The following CNBD2 variants were observed in gnomAD, a reference collection of about 807,000 sequenced individuals.
CNBD2 encodes cyclic nucleotide binding domain containing 2.
A neutral mutation model predicts 63.7 loss-of-function variants in CNBD2; 64 were observed. That is an observed-to-expected ratio of 1.00 (90% confidence interval 0.82 to 1.24). The LOEUF (loss-of-function observed/expected upper bound fraction) is 1.24. Among genes scored for constraint, CNBD2 ranks in the 50% most tolerant of loss-of-function variants. The pLI is 0.00. For synonymous variants in CNBD2, 229 were observed against 255.4 expected, an observed-to-expected ratio of 0.90 and a Z score of 0.99; for missense variants, 691 against 713.5, an observed-to-expected ratio of 0.97 and a Z score of 0.36.
At chr20:36,001,957 C>T (rs1392920048) in intron 8 of CNBD2, among the ~76,000 whole-genome samples, 16 of 151,620 alleles carry the variant, frequency 1.1e-4, no homozygotes, top group African/African-American at 2.7e-4. Flanking sequence ...AGACGATGGG[C>T]GGCCAGGCAG....
intron 10 of CNBD2, among the ~76,000 whole-genome samples, chr20:36,022,825 G>T (rs1601105691): frequency 2.7e-5 from 4 of 150,768 alleles, no homozygotes; most frequent in Admixed American, 2.6e-4. Context: ...TCACCATGTT[G>T]CCCAGGCTGG....
At chr20:35,997,639 C>T (rs1026466000) in intron 8 of CNBD2, among the ~76,000 whole-genome samples, 3 of 152,138 alleles carry the variant, frequency 2.0e-5, no homozygotes, top group South Asian at 2.1e-4. Context: ...GTCCGTACCT[C>T]GTAGGATTGT....
intron 1 of CNBD2, among the ~76,000 whole-genome samples, chr20:35,971,169 G>A (rs1050815815): frequency 7.3e-5 from 11 of 151,008 alleles, no homozygotes; most frequent in Non-Finnish European, 1.5e-4. Flanking sequence ...GGATGGTCTC[G>A]ATCTCCTGAC....
At chr20:35,998,696 C>A (rs979748124) in intron 8 of CNBD2, among the ~76,000 whole-genome samples, 3 of 151,788 alleles carry the variant, frequency 2.0e-5, no homozygotes, top group Admixed American at 6.6e-5. Flanking sequence ...TATAGTGAAA[C>A]CCTGTCTCTA....
At position 36,004,449 on chromosome 20, in the gene CNBD2, C is replaced by G. The variant is rs540021786; in HGVS notation, c.971-3848C>G. On this transcript the variant is annotated intron_variant, in intron 8 of 11. Coordinates refer to ENST00000373973, the MANE Select transcript of CNBD2 (RefSeq NM_001365709.1). Reference sequence around the variant, plus strand: ...ATTGCTGGGCTCCATCTGAGTTCCCCCTCCCTGCACCATGGCCCAGAAAAT... The same window carrying G: ...ATTGCTGGGCTCCATCTGAGTTCCCGCTCCCTGCACCATGGCCCAGAAAAT... Among the ~76,000 whole-genome samples, 6 of 152,314 alleles carry G rather than the reference C, an allele frequency of 3.9e-5. No homozygotes were observed. The South Asian group carries it at 1.2e-3, about 32-fold the overall frequency.
At chr20:35,956,463 C>T (rs761614310), downstream of CNBD2, among the ~76,000 whole-genome samples, 14 of 152,304 alleles carry the variant, frequency 9.2e-5, no homozygotes, top group Non-Finnish European at 1.9e-4. Flanking sequence ...TACTCTGTCC[C>T]ATTTGGTCTC....
chr20:35,980,706 G>A, intron 4 of CNBD2, 84 bp downstream of exon 4: 2 of 1,296,432 alleles, frequency 1.5e-6, no homozygotes, highest in Non-Finnish European at 2.2e-6. Context: ...GGCAGGTCCT[G>A]CCCACCCCTC....
intron 10 of CNBD2, among the ~76,000 whole-genome samples, chr20:36,013,302 C>T (rs1326704322): frequency 2.6e-5 from 4 of 152,030 alleles, no homozygotes; most frequent in Non-Finnish European, 1.5e-5. Context: ...CCTTTAGTTC[C>T]AGCTACTCGG....
chr20:35,997,049 G>A (rs1267703155), intron 8 of CNBD2, among the ~76,000 whole-genome samples: 1 of 152,170 alleles, frequency 6.6e-6, no homozygotes, highest in Non-Finnish European at 1.5e-5. Flanking sequence ...TGATAACCAG[G>A]CTTGCTGATT....
At chr20:36,010,435 ACT>A (rs2057042619) in intron 9 of CNBD2, among the ~76,000 whole-genome samples, 1 of 141,846 alleles carries the variant, frequency 7.0e-6, no homozygotes, top group African/African-American at 2.7e-5. Context: ...CAAGAGCAAA[ACT>A]CTGTCTCAAA....
Position 36,008,459 on chromosome 20 carries a change from T to C in CNBD2, c.1133T>C (p.Leu378Pro). 6.2e-7 allele frequency: 1 copy of C among 1,611,020 alleles called. No individual in the cohort carries two copies. Among genetic ancestry groups the C allele is most frequent in the Non-Finnish European group, 8.5e-7 (1 of 1,179,220 alleles). ...RTSGDTLPKM[L>P]GPKIQSRPAQ... ...TCAGGAGACACTCTCCCCAAGATGC[T>C]GGGCCCGAAGATCCAGTAAGCTCAG... The change falls in exon 9 of 12, where the codon CTG becomes CCG. Residue 378 changes from leucine (L) to proline (P), a missense_variant. Transcript: ENST00000373973.
At chr20:35,968,889 G>C in intron 1 of CNBD2, 76 bp downstream of exon 1, 2 of 1,121,004 alleles carry the variant, frequency 1.8e-6, no homozygotes, top group Non-Finnish European at 2.6e-6. Flanking sequence ...GGTCGATGCA[G>C]GTGTAGGAGG....
upstream of CNBD2, among the ~76,000 whole-genome samples, chr20:35,967,959 G>A (rs1256604595): frequency 2.6e-5 from 4 of 152,238 alleles, no homozygotes; most frequent in African/African-American, 4.8e-5. Flanking sequence ...GGGTGAGCCA[G>A]TGGTGTTAGA....
At chr20:36,023,553 G>T in intron 10 of CNBD2, 49 bp from the exon 11 acceptor site, 1 of 1,397,542 alleles carries the variant, frequency 7.2e-7, no homozygotes, top group Non-Finnish European at 9.6e-7. Context: ...AAATCTGCGG[G>T]CAGACCTGGC....
upstream of CNBD2, among the ~76,000 whole-genome samples, chr20:35,964,155 G>T (rs2056327681): frequency 6.6e-6 from 1 of 151,926 alleles, no homozygotes; most frequent in South Asian, 2.1e-4. Context: ...TCCCTGAACA[G>T]ACCCTGCTCT....
chr20:35,980,530 G>T lies in CNBD2; in HGVS notation c.315G>T (p.Gln105His). ...KPSWRTEDEIQAVCNILQVLD... is the reference protein window; with the variant it reads ...KPSWRTEDEIHAVCNILQVLD... The stretch of plus-strand genomic sequence containing the variant: ...CCTGGAGAACAGAGGATGAGATCCA[G>T]GCCGTCTGTAACATCTTGCAGGTTC... Residue 105 changes from glutamine (Q) to histidine (H), a missense_variant, in exon 4 of 12, where the codon CAG becomes CAT. Transcript: ENST00000373973. The T allele has an allele frequency of 6.2e-7, 1 of 1,614,222 alleles. No individual in the cohort carries two copies. The highest frequency in any genetic ancestry group is 8.5e-7 in the Non-Finnish European group (1 of 1,180,036).
chr20:35,968,858 A>T (rs564686855), intron 1 of CNBD2, 45 bp downstream of exon 1: 1 of 1,495,074 alleles, frequency 6.7e-7, no homozygotes, highest in South Asian at 1.2e-5. Flanking sequence ...AGAAGACTGA[A>T]CAGACAGGTG....
chr20:35,971,755 CA>C (rs2056421653), intron 1 of CNBD2, among the ~76,000 whole-genome samples: 1 of 152,150 alleles, frequency 6.6e-6, no homozygotes, highest in South Asian at 2.1e-4. Flanking sequence ...AACCAGGATC[CA>C]ATCAAGAAGC....
chr20:35,996,459 G>A (rs1204874196), intron 8 of CNBD2, among the ~76,000 whole-genome samples: 1 of 151,428 alleles, frequency 6.6e-6, no homozygotes, highest in African/African-American at 2.4e-5. Context: ...ATTATATTGG[G>A]CTTGACTGTT....
Sources: allele counts gnomAD v4.1 joint callset (sites outside exome capture counted in the v4.1 genomes callset), GRCh38; gene constraint gnomAD v4.1.1; transcripts MANE v1.5; gene names NCBI Gene and HGNC (gene_info 2026-07-23, HGNC 2026-07-21).